The following GATAD2A variants were observed in gnomAD, a reference collection of about 807,000 sequenced individuals.
GATAD2A encodes the protein transcriptional repressor p66-alpha.
In GATAD2A, 12 loss-of-function variants were observed where a neutral mutation model predicts 68.5. The observed-to-expected ratio is 0.18, with a 90% confidence interval of 0.11 to 0.28. The LOEUF is 0.28. Ranked by LOEUF, GATAD2A falls within the 10% of genes least tolerant of loss-of-function variation. The pLI is 1.00. For synonymous variants in GATAD2A, 410 were observed against 375.3 expected (o/e 1.09, Z -1.07); for missense variants, 755 against 868.5 (o/e 0.87, Z 1.64).
At chr19:19,441,136 C>T (rs1026359451) in intron 1 of GATAD2A, among the ~76,000 whole-genome samples, 1 of 151,566 alleles carries the variant, frequency 6.6e-6, no homozygotes, top group African/African-American at 2.4e-5. Context: ...TCCGCCTTCA[C>T]GTTTCAAGTG....
upstream of GATAD2A, among the ~76,000 whole-genome samples, chr19:19,404,090 G>A (rs565729947): frequency 1.6e-4 from 24 of 152,198 alleles, no homozygotes; most frequent in African/African-American, 5.8e-4. Flanking sequence ...TGTGCCAGAT[G>A]TTGCATTAAG....
chr19:19,426,229 C>T (rs980036217), intron 1 of GATAD2A, among the ~76,000 whole-genome samples: 1 of 152,234 alleles, frequency 6.6e-6, no homozygotes. Flanking sequence ...TATAAGTCTT[C>T]GTGTGTCTAG....
chr19:19,443,556 T>C (rs2055351672), intron 1 of GATAD2A, among the ~76,000 whole-genome samples: 1 of 152,084 alleles, frequency 6.6e-6, no homozygotes. Flanking sequence ...CAAATGCATG[T>C]TTCATAGGAT....
intron 1 of GATAD2A, among the ~76,000 whole-genome samples, chr19:19,459,869 A>C (rs536555599): frequency 6.6e-6 from 1 of 152,198 alleles, no homozygotes; most frequent in Non-Finnish European, 1.5e-5. Context: ...CTGTCTCTCA[A>C]GTTAAGTTGT....
chr19:19,429,632 T>G (rs1222943175), intron 1 of GATAD2A, among the ~76,000 whole-genome samples: 3 of 151,000 alleles, frequency 2.0e-5, no homozygotes, highest in Admixed American at 2.0e-4. Flanking sequence ...GCCTGTCTCC[T>G]CCTTCAAGGA....
At chr19:19,495,945 A>AGTAGGGC in intron 6 of GATAD2A, 60 bp downstream of exon 6, 1 of 1,592,972 alleles carries the variant, frequency 6.3e-7, no homozygotes. Context: ...CTACCTTGAA[A>AGTAGGGC]GTAGGGCCCT....
intron 1 of GATAD2A, chr19:19,436,335 T>A (rs968572308): frequency 5.9e-6 from 3 of 509,614 alleles, no homozygotes; most frequent in Admixed American, 2.4e-5. Flanking sequence ...CTAGAGAAGA[T>A]GGAGGGAGGC....
chr19:19,442,248 G>C (rs2055182814), intron 1 of GATAD2A, among the ~76,000 whole-genome samples: 1 of 152,222 alleles, frequency 6.6e-6, no homozygotes, highest in African/African-American at 2.4e-5. Context: ...GGTTGTATCA[G>C]AAGGACCCAC....
intron 1 of GATAD2A, among the ~76,000 whole-genome samples, chr19:19,399,856 A>G (rs937406739): frequency 1.3e-5 from 2 of 152,112 alleles, no homozygotes; most frequent in Non-Finnish European, 2.9e-5. Flanking sequence ...AGGGTGTGAA[A>G]TAGATGCCAA....
intron 1 of GATAD2A, among the ~76,000 whole-genome samples, chr19:19,408,372 AATCTTAT>A (rs1382953927): frequency 2.0e-5 from 3 of 152,174 alleles, no homozygotes; most frequent in Non-Finnish European, 4.4e-5. Flanking sequence ...CAAATCCTAT[AATCTTAT>A]ATTTTGATAG....
intron 11 of GATAD2A, among the ~76,000 whole-genome samples, chr19:19,503,152 A>G (rs2060653796): frequency 6.6e-6 from 1 of 152,252 alleles, no homozygotes; most frequent in South Asian, 2.1e-4. Context: ...ATGTGTTAAC[A>G]TTAGAACAAA....
At chr19:19,448,942 A>G (rs1400784797) in intron 1 of GATAD2A, among the ~76,000 whole-genome samples, 1 of 152,200 alleles carries the variant, frequency 6.6e-6, no homozygotes, top group Non-Finnish European at 1.5e-5. Flanking sequence ...GCCGATATAC[A>G]GAAGCAGCTA....
chr19:19,431,836 A>G (rs931760816), intron 1 of GATAD2A, among the ~76,000 whole-genome samples: 4 of 152,042 alleles, frequency 2.6e-5, no homozygotes, highest in Admixed American at 1.3e-4. Flanking sequence ...TTCATCGGCA[A>G]CACAGTAGCT....
chr19:19,406,185 C>G (rs1415668233), intron 1 of GATAD2A, among the ~76,000 whole-genome samples, 166 bp downstream of exon 1: 1 of 151,766 alleles, frequency 6.6e-6, no homozygotes, highest in East Asian at 1.9e-4. Context: ...ATTCTGGGAG[C>G]GTCTTCTTGC....
intron 1 of GATAD2A, among the ~76,000 whole-genome samples, chr19:19,449,594 C>A (rs1417245196): frequency 1.5e-4 from 21 of 141,032 alleles, no homozygotes; most frequent in South Asian, 4.6e-4. Flanking sequence ...TTAAATGTAT[C>A]AAAAAAAAAA....
chr19:19,498,793 C>G (rs2060320101), intron 8 of GATAD2A, 71 bp downstream of exon 8: 7 of 1,353,472 alleles, frequency 5.2e-6, no homozygotes, highest in Non-Finnish European at 7.2e-6. Flanking sequence ...TGGGTTCTTT[C>G]CAACACACAG....
intron 1 of GATAD2A, among the ~76,000 whole-genome samples, chr19:19,448,872 G>C (rs2056057129): frequency 6.6e-6 from 1 of 152,136 alleles, no homozygotes; most frequent in Admixed American, 6.5e-5. Flanking sequence ...GTACAACTTG[G>C]GGGTGAAGAC....
intron 2 of GATAD2A, among the ~76,000 whole-genome samples, chr19:19,487,021 C>T (rs915904424): frequency 1.3e-5 from 2 of 152,184 alleles, no homozygotes; most frequent in South Asian, 2.1e-4. Flanking sequence ...GAGCTCCAGG[C>T]CTCAGCTTGC....
At chr19:19,483,751 A>G (rs1050338422) in intron 2 of GATAD2A, among the ~76,000 whole-genome samples, 1 of 149,320 alleles carries the variant, frequency 6.7e-6, no homozygotes, top group African/African-American at 2.5e-5. Flanking sequence ...AGTAGCTGGG[A>G]CTACAGGTGC....
Sources: allele counts gnomAD v4.1 joint callset (sites outside exome capture counted in the v4.1 genomes callset), GRCh38; gene constraint gnomAD v4.1.1; transcripts MANE v1.5; gene names NCBI Gene and HGNC (gene_info 2026-07-23, HGNC 2026-07-21).